The following CNTN5 variants were observed in gnomAD, a reference collection of about 807,000 sequenced individuals.
CNTN5 encodes the protein contactin 5.
In CNTN5, 77 loss-of-function variants were observed where a neutral mutation model predicts 129.1. The ratio of observed to expected loss-of-function variants is 0.60; its 90% CI spans 0.50 to 0.72. The LOEUF is 0.72. Among genes scored for constraint, CNTN5 ranks in the 30% least tolerant of loss-of-function variants. The pLI is 0.00. For missense variants in CNTN5, 1,478 were observed against 1,328.8 expected, an observed-to-expected ratio of 1.11 and a Z score of -1.75; for synonymous variants, 509 against 465.6, an observed-to-expected ratio of 1.09 and a Z score of -1.20.
At chr11:99,962,240 G>A (rs1456130267) in intron 8 of CNTN5, among the ~76,000 whole-genome samples, 14 of 152,078 alleles carry the variant, frequency 9.2e-5, no homozygotes, top group Admixed American at 8.5e-4. Context: ...CATGTGCCAT[G>A]TTGGTGTGCT....
intron 1 of CNTN5, among the ~76,000 whole-genome samples, chr11:99,121,308 T>C (rs1457118920): frequency 1.3e-5 from 2 of 152,058 alleles, no homozygotes; most frequent in Non-Finnish European, 2.9e-5. Flanking sequence ...CTAATTTTTG[T>C]ATTTTTAGTA....
chr11:99,751,362 A>C (rs912172266), intron 3 of CNTN5, among the ~76,000 whole-genome samples: 1 of 152,180 alleles, frequency 6.6e-6, no homozygotes, highest in African/African-American at 2.4e-5. Flanking sequence ...TTAATTCAAA[A>C]ATAAAAAATA....
chr11:99,640,930 C>T lies in CNTN5; in HGVS notation c.55+84661C>T, dbSNP rs544415880. ...TCAAAGATTTGGTCTCTTTTTCATA[C>T]CTACCTTGATGTTCCTGTAATTGTT... On this transcript the variant is annotated intron_variant, in intron 3 of 24. Transcript: ENST00000524871. Among the ~76,000 whole-genome samples the T allele has an allele frequency of 4.6e-5, 7 of 152,300 alleles. No individual in the cohort carries two copies. In the South Asian group the frequency reaches 1.4e-3, roughly 32 times the overall value.
intron 3 of CNTN5, among the ~76,000 whole-genome samples, chr11:99,777,162 A>T (rs536541724): frequency 1.3e-5 from 2 of 152,006 alleles, no homozygotes; most frequent in East Asian, 3.9e-4. Context: ...ATTCACTGAA[A>T]TATATTCATG....
intron 3 of CNTN5, among the ~76,000 whole-genome samples, chr11:99,719,570 A>C (rs1385889968): frequency 1.3e-5 from 2 of 152,182 alleles, no homozygotes; most frequent in East Asian, 3.9e-4. Context: ...TATAGCACTA[A>C]ATGCTTACAT....
intron 3 of CNTN5, among the ~76,000 whole-genome samples, chr11:99,677,889 A>G (rs1164707458): frequency 3.3e-5 from 5 of 152,104 alleles, no homozygotes; most frequent in African/African-American, 9.7e-5. Context: ...TTTTCTAAAC[A>G]TACCAAACAC....
intron 3 of CNTN5, among the ~76,000 whole-genome samples, chr11:99,693,491 T>A (rs1439194543): frequency 3.3e-5 from 5 of 151,592 alleles, no homozygotes; most frequent in African/African-American, 9.7e-5. Context: ...GAGAAGCTGA[T>A]GAGGTAAAGG....
chr11:99,909,770 A>G (rs900680502), intron 6 of CNTN5, among the ~76,000 whole-genome samples: 1 of 151,078 alleles, frequency 6.6e-6, no homozygotes, highest in Non-Finnish European at 1.5e-5. Context: ...ATGAGAACAC[A>G]TGGACACAGG....
At chr11:99,074,084 A>G (rs1865458962) in intron 1 of CNTN5, among the ~76,000 whole-genome samples, 1 of 152,014 alleles carries the variant, frequency 6.6e-6, no homozygotes, top group Non-Finnish European at 1.5e-5. Flanking sequence ...CTGGCATGAG[A>G]TGTTATCTCA....
At chr11:99,077,114 A>T (rs866233042) in intron 1 of CNTN5, among the ~76,000 whole-genome samples, 1 of 146,862 alleles carries the variant, frequency 6.8e-6, no homozygotes. Flanking sequence ...TATTGAGTTT[A>T]TGTGGTCTTC....
intron 3 of CNTN5, among the ~76,000 whole-genome samples, chr11:99,578,287 A>G (rs1487375347): frequency 2.6e-5 from 4 of 151,946 alleles, no homozygotes; most frequent in Non-Finnish European, 5.9e-5. Flanking sequence ...CACAATAAAC[A>G]TACGTGTGCA....
chr11:100,222,345 A>T (rs1467670970), intron 15 of CNTN5, among the ~76,000 whole-genome samples: 1 of 152,184 alleles, frequency 6.6e-6, no homozygotes, highest in African/African-American at 2.4e-5. Flanking sequence ...AAGATAATCT[A>T]TATCTCGCTC....
chr11:99,841,833 T>TAC (rs1380236544), intron 4 of CNTN5, among the ~76,000 whole-genome samples: 3 of 142,436 alleles, frequency 2.1e-5, no homozygotes, highest in African/African-American at 7.8e-5. Context: ...TGTATATATA[T>TAC]ATACACACAC....
At chr11:99,669,975 T>C (rs1952968074) in intron 3 of CNTN5, among the ~76,000 whole-genome samples, 1 of 152,162 alleles carries the variant, frequency 6.6e-6, no homozygotes, top group African/African-American at 2.4e-5. Flanking sequence ...TAAGGAGACA[T>C]TTATTCTCTT....
intron 1 of CNTN5, among the ~76,000 whole-genome samples, chr11:99,217,497 T>C (rs1478074328): frequency 6.6e-6 from 1 of 152,184 alleles, no homozygotes; most frequent in Non-Finnish European, 1.5e-5. Flanking sequence ...TAAATTGGTA[T>C]AGCCACTATA....
intron 1 of CNTN5, among the ~76,000 whole-genome samples, chr11:99,268,644 A>G (rs1021616674): frequency 6.6e-6 from 1 of 151,998 alleles, no homozygotes; most frequent in Non-Finnish European, 1.5e-5. Context: ...ATACATAATC[A>G]GTGAGGAATA....
At chr11:99,260,429 C>A (rs1202918790) in intron 1 of CNTN5, among the ~76,000 whole-genome samples, 1 of 151,724 alleles carries the variant, frequency 6.6e-6, no homozygotes, top group Non-Finnish European at 1.5e-5. Flanking sequence ...CAGGTGCCTA[C>A]TGCTAAAATA....
chr11:100,038,923 A>G (rs868526583), intron 9 of CNTN5, among the ~76,000 whole-genome samples: 5 of 152,036 alleles, frequency 3.3e-5, no homozygotes, highest in Non-Finnish European at 7.4e-5. Flanking sequence ...TCTTTATCCA[A>G]TTTGCCAGTC....
intron 6 of CNTN5, among the ~76,000 whole-genome samples, chr11:99,888,294 T>C (rs1948953185): frequency 6.6e-6 from 1 of 152,192 alleles, no homozygotes; most frequent in Non-Finnish European, 1.5e-5. Context: ...CACCTCACTT[T>C]TACAAAATTC....
Sources: gnomAD v4.1 joint callset for allele counts (sites outside exome capture counted in the v4.1 genomes callset) on GRCh38, gnomAD v4.1.1 for gene constraint, MANE v1.5 for transcripts, NCBI Gene and HGNC (gene_info 2026-07-23, HGNC 2026-07-21) for gene names.